The following NT5C3B variants were observed in gnomAD, a reference collection of about 807,000 sequenced individuals.
NT5C3B encodes 5'-nucleotidase, cytosolic IIIB.
NT5C3B carries 28 observed loss-of-function variants against 32.5 expected under a neutral mutation model. The observed-to-expected ratio is 0.86, with a 90% CI of 0.64 to 1.18. The LOEUF (loss-of-function observed/expected upper bound fraction) is 1.18, where lower values mean the gene tolerates loss of function less well. Ranked by LOEUF, NT5C3B falls within the 50% of genes most tolerant of loss-of-function variation. The pLI is 0.00. For missense variants in NT5C3B, 317 were observed against 322.0 expected (o/e 0.98, Z 0.12); for synonymous variants, 138 against 118.0 (o/e 1.17, Z -1.10).
rs1460746111 is a variant in NT5C3B, at chr17:41,835,787, G to A, written c.111+72C>T. On this transcript the variant is annotated intron_variant, in intron 2 of 8. Coordinates refer to ENST00000435506, the MANE Select transcript of NT5C3B (RefSeq NM_052935.5). ...GAGGGGTCCGCGGCAGAGCAAAGCG[G>A]GAAGGCCCAATGGGCAGGAAGCCTC... 6.2e-5 allele frequency: 86 copies of A among 1,397,272 alleles called. 1 individual carries two copies. The highest frequency in any genetic ancestry group is 3.6e-4 in the Middle Eastern group (2 of 5,554). 86.6% of individuals were successfully genotyped at this position (1,397,272 alleles called of 1,614,324 possible).
Position 41,835,914 on chromosome 17 carries a change from C to T in NT5C3B, c.56G>A (p.Gly19Glu). Residue 19 changes from glycine to glutamate, a missense_variant, in exon 2 of 9, where the codon GGG becomes GAG. Physicochemically the swap from Gly to Glu is moderately conservative, Grantham distance 98. Coordinates refer to ENST00000435506, the MANE Select transcript of NT5C3B (RefSeq NM_052935.5). ...MKATVLMRQP[G>E]RVQEIVGALR... ...GGCGCCCACGATCTCCTGCACCCGC[C>T]CAGGCTGCCGCATCAGGACCGTGGC... 6.2e-7 allele frequency: 1 copy of T among 1,606,854 alleles called. No homozygotes were observed. The highest frequency in any genetic ancestry group is 8.5e-7 in the Non-Finnish European group (1 of 1,177,562).
At chr17:41,827,361 A>G in intron 8 of NT5C3B, 65 bp downstream of exon 8, 1 of 762,884 alleles carries the variant, frequency 1.3e-6, no homozygotes. Context: ...GTTCAAAGGC[A>G]TTTGTTAATG....
intron 4 of NT5C3B, among the ~76,000 whole-genome samples, chr17:41,833,089 G>A (rs1333484315): frequency 6.6e-6 from 1 of 152,190 alleles, no homozygotes; most frequent in Non-Finnish European, 1.5e-5. Flanking sequence ...CACCCTGAGA[G>A]TGAGGTCTAA....
In NT5C3B at chr17:41,826,364, C is replaced by T. The variant is rs1003583189; in HGVS notation, c.769-707G>A. Among the ~76,000 whole-genome samples, 20 of 152,236 alleles carry T rather than the reference C, an allele frequency of 1.3e-4. No homozygotes were observed. In the South Asian group the frequency reaches 2.1e-3, roughly 16 times the overall value. ...TCAGCCTCCTGAGTAACTAGAACTA[C>T]AGGCATGCTAACCACACCCAGCTAA... On this transcript the variant is annotated intron_variant, in intron 8 of 8. Coordinates refer to ENST00000435506, the MANE Select transcript of NT5C3B (RefSeq NM_052935.5).
Position 41,827,416 on chromosome 17 carries a change from C to T in NT5C3B, c.768+10G>A, listed in dbSNP as rs782436206. The T allele has an allele frequency of 6.9e-6, 6 of 872,048 alleles. No individual in the cohort carries two copies. Among genetic ancestry groups the T allele is most frequent in the East Asian group, 2.4e-5 (1 of 41,708 alleles). The allele number at this position is 872,048 out of a possible 1,614,324, so 54.0% of individuals were successfully genotyped here. On this transcript the variant is annotated intron_variant, in intron 8 of 8. Transcript: ENST00000435506. ...GACATGAAGAGAAGCAGCCCTGGTCCTCTACCCACCTTGTCATTCAGGAAG... is the reference window on the plus strand; with the variant it reads ...GACATGAAGAGAAGCAGCCCTGGTCTTCTACCCACCTTGTCATTCAGGAAG...
chr17:41,835,718 G>T (rs1203050604), intron 2 of NT5C3B, 141 bp downstream of exon 2: 2 of 889,502 alleles, frequency 2.2e-6, no homozygotes, highest in Non-Finnish European at 3.6e-6. Context: ...GAACCAACCC[G>T]CTCTCCTTCA....
At chr17:41,827,129 A>T (rs1597916171) in intron 8 of NT5C3B, among the ~76,000 whole-genome samples, 1 of 151,676 alleles carries the variant, frequency 6.6e-6, no homozygotes, top group Non-Finnish European at 1.5e-5. Context: ...ACATGGTGAA[A>T]CCCCGTCTCT....
intron 2 of NT5C3B, chr17:41,835,526 A>C (rs2144111166): frequency 1.5e-6 from 1 of 685,402 alleles, no homozygotes; most frequent in South Asian, 1.5e-5. Context: ...TGACTCCTTC[A>C]ATATCAGGTC....
At chr17:41,835,983 T>C in intron 1 of NT5C3B, 26 bp from the exon 2 acceptor site, 1 of 1,552,388 alleles carries the variant, frequency 6.4e-7, no homozygotes, top group Non-Finnish European at 8.7e-7. Flanking sequence ...AGAGAACCAC[T>C]GACCCCTGCG....
At chr17:41,828,715 T>C in intron 7 of NT5C3B, 75 bp downstream of exon 7, 1 of 1,339,524 alleles carries the variant, frequency 7.5e-7, no homozygotes, top group Non-Finnish European at 1.1e-6. Flanking sequence ...AGGTTAGGGT[T>C]CATGCAGAGT....
chr17:41,835,464 G>T, intron 2 of NT5C3B, 192 bp from the exon 3 acceptor site: 1 of 645,622 alleles, frequency 1.5e-6, no homozygotes, highest in Non-Finnish European at 2.8e-6. Flanking sequence ...TTAACCCTGA[G>T]GAAAACGCAG....
At position 41,835,280 on chromosome 17, in the gene NT5C3B, G is replaced by T; in HGVS notation, c.112-8C>A. 1 of 1,612,992 alleles carries T rather than the reference G, an allele frequency of 6.2e-7. No individual in the cohort carries two copies. Among genetic ancestry groups the T allele is most frequent in the Non-Finnish European group, 8.5e-7 (1 of 1,179,044 alleles). Reference sequence around the variant, plus strand: ...GTCAAAATCAGAAATCACCTATAAGGCAAAAGAGAGATGATGCCTAAATAG... The same window carrying T: ...GTCAAAATCAGAAATCACCTATAAGTCAAAAGAGAGATGATGCCTAAATAG... On this transcript the variant is annotated splice_polypyrimidine_tract_variant and splice_region_variant and intron_variant, in intron 2 of 8. Transcript: ENST00000435506.
chr17:41,831,529 G>A (rs2048051774), intron 5 of NT5C3B, among the ~76,000 whole-genome samples: 1 of 152,104 alleles, frequency 6.6e-6, no homozygotes, highest in African/African-American at 2.4e-5. Flanking sequence ...GTTGAGAGAT[G>A]GGGCCTAATG....
intron 8 of NT5C3B, 63 bp from the exon 9 acceptor site, chr17:41,825,720 C>A: frequency 1.2e-6 from 1 of 862,656 alleles, no homozygotes; most frequent in East Asian, 2.4e-5. Flanking sequence ...GTAGCTCACT[C>A]TCAAAGCCCC....
At chr17:41,829,161 A>G (rs2048012547) in intron 6 of NT5C3B, among the ~76,000 whole-genome samples, 1 of 152,024 alleles carries the variant, frequency 6.6e-6, no homozygotes, top group South Asian at 2.1e-4. Flanking sequence ...AGCTGAGACC[A>G]CAGGTGCATG....
intron 5 of NT5C3B, among the ~76,000 whole-genome samples, chr17:41,831,567 T>A (rs781884047): frequency 6.6e-5 from 10 of 152,164 alleles, no homozygotes; most frequent in Non-Finnish European, 1.2e-4. Flanking sequence ...ACCATCCTCA[T>A]GAATGGATTA....
intron 2 of NT5C3B, 37 bp from the exon 3 acceptor site, chr17:41,835,309 C>T: frequency 3.2e-6 from 5 of 1,547,742 alleles, no homozygotes; most frequent in Non-Finnish European, 4.5e-6. Context: ...TAAATAGGCA[C>T]CAGAATTCTA....
At position 41,832,435 on chromosome 17, in the gene NT5C3B, G is replaced by A; in HGVS notation, c.271C>T (p.Pro91Ser). ...AGCTTCTCCTTGACGGTCCGGTGTGGGTCGATCTCAATTGGGTAATAGTGG... is the reference window on the plus strand; with the variant it reads ...AGCTTCTCCTTGACGGTCCGGTGTGAGTCGATCTCAATTGGGTAATAGTGG... ...LHHYYPIEIDPHRTVKEKLPH... is the reference protein window; with the variant it reads ...LHHYYPIEIDSHRTVKEKLPH... Residue 91 changes from proline (P) to serine (S), a missense_variant, in exon 5 of 9, where the codon CCA (proline) becomes TCA (serine). Transcript: ENST00000435506. 1.2e-6 allele frequency: 2 copies of A among 1,613,774 alleles called. No individual in the cohort carries two copies. The highest frequency in any genetic ancestry group is 1.7e-5 in the Admixed American group (1 of 59,982).
Position 41,831,319 on chromosome 17 carries a change from C to CA in NT5C3B, c.315-430dup, listed in dbSNP as rs71155172. On this transcript the variant is annotated intron_variant, in intron 5 of 8. Transcript: ENST00000435506. ...TGGGTGACAGAGTGAGACTCCATCT[C>CA]AAAAAAAAAAAAAAAAAAAGGAAGA... is the stretch of plus-strand genomic sequence containing the variant. 5.1e-3 allele frequency among the ~76,000 whole-genome samples: 562 copies of CA among 110,090 alleles called. 8 individuals are homozygous for CA. Among genetic ancestry groups the CA allele is most frequent in the African/African-American group, 0.017 (498 of 29,484 alleles). 72.2% of individuals were successfully genotyped at this position (110,090 alleles called of 152,430 possible).
Sources: gnomAD v4.1 joint callset for allele counts (sites outside exome capture counted in the v4.1 genomes callset) on GRCh38, gnomAD v4.1.1 for gene constraint, MANE v1.5 for transcripts, NCBI Gene and HGNC (gene_info 2026-07-23, HGNC 2026-07-21) for gene names.